Variants in PHF24 observed in about 807,000 individuals in gnomAD.
The protein encoded by PHF24 is Galpha inhibitory interacting protein.
Under a neutral mutation model 42.6 loss-of-function variants are expected in PHF24, and 25 were observed. The ratio of observed to expected loss-of-function variants is 0.59; its 90% CI spans 0.43 to 0.82. PHF24 has a LOEUF of 0.82. Ranked by LOEUF, PHF24 falls within the 40% of genes least tolerant of loss-of-function variation. PHF24 has a pLI of 0.00. For synonymous variants in PHF24, 185 were observed against 204.8 expected (o/e 0.90, Z 0.83); for missense variants, 470 against 538.1 (o/e 0.87, Z 1.25).
the PHF24 span, among the ~76,000 whole-genome samples, chr9:34,851,818 C>A: frequency 6.6e-6 from 1 of 152,146 alleles, no homozygotes; most frequent in Non-Finnish European, 1.5e-5. Context: ...GTTTACTTTA[C>A]CCCCTAATTT....
the PHF24 span, among the ~76,000 whole-genome samples, chr9:34,685,892 T>C: frequency 6.6e-6 from 1 of 152,190 alleles, no homozygotes; most frequent in Non-Finnish European, 1.5e-5. Flanking sequence ...AGAAGTGGTA[T>C]GTGTAATAGT....
the PHF24 span, among the ~76,000 whole-genome samples, chr9:34,708,826 A>G: frequency 6.6e-6 from 1 of 152,130 alleles, no homozygotes; most frequent in African/African-American, 2.4e-5. Context: ...ACTGGGTCCT[A>G]CCCTGTCCTT....
At chr9:34,709,791 G>A in the PHF24 span, 3 of 1,614,062 alleles carry the variant, frequency 1.9e-6, no homozygotes, top group Admixed American at 3.3e-5. Flanking sequence ...TAGCTGGGAT[G>A]GAGCAGCCTA....
chr9:34,763,198 T>C, the PHF24 span, among the ~76,000 whole-genome samples: 1 of 152,212 alleles, frequency 6.6e-6, no homozygotes, highest in African/African-American at 2.4e-5. Context: ...TTTGGTTCCA[T>C]ATGAACTTTA....
chr9:34,819,025 C>T, the PHF24 span, among the ~76,000 whole-genome samples: 1 of 152,088 alleles, frequency 6.6e-6, no homozygotes, highest in Non-Finnish European at 1.5e-5. Context: ...CTGGAGTGAA[C>T]TTTTATAGTT....
At chr9:34,849,698 G>A in the PHF24 span, among the ~76,000 whole-genome samples, 2 of 152,082 alleles carry the variant, frequency 1.3e-5, no homozygotes, top group African/African-American at 2.4e-5. Context: ...TCCTAGCCTC[G>A]ATGGTCTTTA....
the PHF24 span, among the ~76,000 whole-genome samples, chr9:34,787,670 A>T: frequency 5.3e-5 from 8 of 152,304 alleles, no homozygotes; most frequent in South Asian, 1.7e-3. Context: ...ACTGAATTGA[A>T]CATCTGCAAG....
the PHF24 span, among the ~76,000 whole-genome samples, chr9:34,900,720 A>T: frequency 6.6e-6 from 1 of 152,202 alleles, no homozygotes; most frequent in Non-Finnish European, 1.5e-5. Context: ...TCCCCAATGT[A>T]ACAGTTTTGG....
chr9:34,924,286 G>A, the PHF24 span, among the ~76,000 whole-genome samples: 1 of 152,120 alleles, frequency 6.6e-6, no homozygotes, highest in Non-Finnish European at 1.5e-5. Flanking sequence ...GCCATTGGAT[G>A]AAATGTTCTG....
chr9:34,732,671 G>A, the PHF24 span, among the ~76,000 whole-genome samples: 1 of 152,028 alleles, frequency 6.6e-6, no homozygotes, highest in Non-Finnish European at 1.5e-5. Context: ...TGCTTATCGG[G>A]TATTGCTCCA....
chr9:34,747,040 A>G, the PHF24 span, among the ~76,000 whole-genome samples: 1 of 152,240 alleles, frequency 6.6e-6, no homozygotes, highest in South Asian at 2.1e-4. Context: ...CCTTTAAGAG[A>G]GTATAAAGGT....
At chr9:34,824,313 C>T in the PHF24 span, among the ~76,000 whole-genome samples, 1 of 152,200 alleles carries the variant, frequency 6.6e-6, no homozygotes, top group Non-Finnish European at 1.5e-5. Context: ...ATGGACTGTG[C>T]AGCTGTTATT....
the PHF24 span, among the ~76,000 whole-genome samples, chr9:34,798,253 G>A: frequency 9.2e-5 from 14 of 152,236 alleles, no homozygotes; most frequent in African/African-American, 3.1e-4. Flanking sequence ...TACATGTGTA[G>A]GTTTGTTACA....
chr9:34,696,012 C>T, the PHF24 span, among the ~76,000 whole-genome samples: 1 of 151,986 alleles, frequency 6.6e-6, no homozygotes, highest in Non-Finnish European at 1.5e-5. Flanking sequence ...GACTATCACT[C>T]GTGAGGCATG....
chr9:34,800,961 C>T, the PHF24 span, among the ~76,000 whole-genome samples: 1 of 151,662 alleles, frequency 6.6e-6, no homozygotes. Context: ...GGAACTTGAA[C>T]AAATTTACAA....
At chr9:34,794,142 G>GC in the PHF24 span, among the ~76,000 whole-genome samples, 1 of 152,124 alleles carries the variant, frequency 6.6e-6, no homozygotes, top group African/African-American at 2.4e-5. Context: ...ACTATAAACA[G>GC]CACTTGCAAT....
chr9:34,786,320 A>G, the PHF24 span, among the ~76,000 whole-genome samples: 51 of 152,336 alleles, frequency 3.3e-4, no homozygotes, highest in East Asian at 8.5e-3. Context: ...TCTACTATAA[A>G]TATTCAAATC....
At chr9:34,774,140 T>C in the PHF24 span, among the ~76,000 whole-genome samples, 1 of 152,158 alleles carries the variant, frequency 6.6e-6, no homozygotes, top group Admixed American at 6.5e-5. Context: ...AATAAGACTC[T>C]TGGCAGAAAA....
At chr9:34,922,757 A>G in the PHF24 span, 6 of 1,591,418 alleles carry the variant, frequency 3.8e-6, no homozygotes, top group Non-Finnish European at 5.1e-6. Context: ...AAGATGACCT[A>G]CGGGCTCCTA....
Sources: allele counts gnomAD v4.1 joint callset (sites outside exome capture counted in the v4.1 genomes callset), GRCh38; gene constraint gnomAD v4.1.1; transcripts MANE v1.5; gene names NCBI Gene and HGNC (gene_info 2026-07-23, HGNC 2026-07-21).